Variants in NIM1K observed in about 807,000 individuals in gnomAD.
NIM1K encodes the protein serine/threonine-protein kinase NIM1.
NIM1K carries 35 observed loss-of-function variants against 37.1 expected under a neutral mutation model. The observed-to-expected ratio is 0.94, with a 90% CI of 0.72 to 1.25. The LOEUF is 1.25. Ranked by LOEUF, NIM1K falls within the 50% of genes most tolerant of loss-of-function variation. The pLI, the probability that NIM1K is intolerant of heterozygous loss-of-function variation, is 0.00. For synonymous variants in NIM1K, 234 were observed against 206.6 expected (o/e 1.13, Z -1.14); for missense variants, 564 against 548.0 (o/e 1.03, Z -0.29).
rs77532127 is a variant in NIM1K, at chr5:43,203,870, A to T, written c.-695+11459A>T. On this transcript the variant is annotated intron_variant, in intron 1 of 3. Transcript: ENST00000326035. ...GTGAAACCCCGTCTCTACTAGAAAT[A>T]CAAAAATTAGCTGGGCATGGTGGCA... is the stretch of plus-strand genomic sequence containing the variant. 0.015 allele frequency among the ~76,000 whole-genome samples: 2,238 copies of T among 151,886 alleles called. 91 individuals are homozygous for T. The East Asian group carries it at 0.16, about 11-fold the overall frequency.
rs193072433 is a variant in NIM1K at position 43,195,258 on chromosome 5, G to T, written c.-695+2847G>T. On this transcript the variant is annotated intron_variant, in intron 1 of 3. Coordinates refer to ENST00000326035, the MANE Select transcript of NIM1K (RefSeq NM_153361.4). ...TACAACTTGAATTAACCACATCATA[G>T]TTCTTAAATTACTTTCTCTCAAGAA... Among the ~76,000 whole-genome samples, 12 of 152,278 alleles carry T rather than the reference G, an allele frequency of 7.9e-5. No homozygotes were observed. The East Asian group carries it at 2.3e-3, about 29-fold the overall frequency.
chr5:43,220,014 C>T (rs933942214), intron 1 of NIM1K, among the ~76,000 whole-genome samples: 4 of 151,988 alleles, frequency 2.6e-5, no homozygotes, highest in African/African-American at 4.8e-5. Flanking sequence ...CGTGAGCCAC[C>T]GTGCCCAGCC....
intron 3 of NIM1K, 33 bp downstream of exon 3, chr5:43,277,358 C>G: frequency 6.3e-7 from 1 of 1,597,496 alleles, no homozygotes; most frequent in Non-Finnish European, 8.5e-7. Flanking sequence ...AACCTTGCTC[C>G]CATTGCACTG....
chr5:43,233,072 G>A, intron 1 of NIM1K: 3 of 1,331,808 alleles, frequency 2.3e-6, no homozygotes, highest in Non-Finnish European at 3.2e-6. Flanking sequence ...CTTGGCATCT[G>A]GCCATTGGGC....
chr5:43,205,916 G>C (rs1365762872), intron 1 of NIM1K, among the ~76,000 whole-genome samples: 2 of 152,040 alleles, frequency 1.3e-5, no homozygotes, highest in Non-Finnish European at 2.9e-5. Context: ...GTTTTACTGT[G>C]TTAGCCAGGA....
chr5:43,233,253 T>TCAA, intron 1 of NIM1K: 1 of 640,266 alleles, frequency 1.6e-6, no homozygotes, highest in East Asian at 2.8e-5. Context: ...TCTTAGGTGA[T>TCAA]TGATATAAGA....
chr5:43,198,137 TTC>T (rs1381029955), intron 1 of NIM1K, among the ~76,000 whole-genome samples: 4 of 40,230 alleles, frequency 9.9e-5, no homozygotes, highest in South Asian at 1.1e-3. Context: ...TATGATTTCT[TTC>T]TTTCTTTCTT....
At chr5:43,243,358 G>A (rs1022748717) in intron 1 of NIM1K, among the ~76,000 whole-genome samples, 1 of 152,110 alleles carries the variant, frequency 6.6e-6, no homozygotes, top group Non-Finnish European at 1.5e-5. Flanking sequence ...AATCTGGGGA[G>A]ATCTAGTGCC....
At chr5:43,243,204 A>T (rs1167076826) in intron 1 of NIM1K, among the ~76,000 whole-genome samples, 4 of 152,204 alleles carry the variant, frequency 2.6e-5, no homozygotes, top group Admixed American at 2.6e-4. Context: ...GTCTGTTAGA[A>T]CACAAAGTGA....
intron 1 of NIM1K, among the ~76,000 whole-genome samples, chr5:43,227,735 T>C (rs1016589998): frequency 1.3e-5 from 2 of 152,200 alleles, no homozygotes; most frequent in Admixed American, 6.5e-5. Flanking sequence ...ATTATTTTTA[T>C]GGGTTTTATT....
chr5:43,265,364 A>ACTGATACC (rs559636204), intron 2 of NIM1K, among the ~76,000 whole-genome samples: 346 of 152,170 alleles, frequency 2.3e-3, no homozygotes, highest in African/African-American at 7.7e-3. Flanking sequence ...CATTTCATTC[A>ACTGATACC]TTTGATCTTC....
In NIM1K at chr5:43,204,951, G is replaced by A. The variant is rs376186251; in HGVS notation, c.-695+12540G>A. Among the ~76,000 whole-genome samples, 7 of 152,246 alleles carry A rather than the reference G, an allele frequency of 4.6e-5. No individual in the cohort carries two copies. The South Asian group carries it at 1.0e-3, about 23-fold the overall frequency. ...GTCGAGGCTGCAGTGAGCTGTGATTGCACCACTGAACTCCAGCCTAGGTGA... is the reference window on the plus strand; with the variant it reads ...GTCGAGGCTGCAGTGAGCTGTGATTACACCACTGAACTCCAGCCTAGGTGA... On this transcript the variant is annotated intron_variant, in intron 1 of 3. Coordinates refer to ENST00000326035, the MANE Select transcript of NIM1K (RefSeq NM_153361.4).
intron 2 of NIM1K, among the ~76,000 whole-genome samples, chr5:43,259,874 G>A (rs1340582673): frequency 6.6e-6 from 1 of 152,068 alleles, no homozygotes; most frequent in Non-Finnish European, 1.5e-5. Context: ...TCAATGTCCA[G>A]TAGAGTTTTT....
intron 1 of NIM1K, among the ~76,000 whole-genome samples, chr5:43,224,028 G>C (rs1482435431): frequency 1.3e-5 from 2 of 149,570 alleles, no homozygotes; most frequent in Non-Finnish European, 3.0e-5. Flanking sequence ...CAGTAGAAAG[G>C]TTGAATACAT....
chr5:43,260,589 T>C (rs1386811800), intron 2 of NIM1K, among the ~76,000 whole-genome samples: 1 of 152,046 alleles, frequency 6.6e-6, no homozygotes, highest in South Asian at 2.1e-4. Flanking sequence ...TGCATATATA[T>C]ATAGAGAGAG....
intron 1 of NIM1K, among the ~76,000 whole-genome samples, chr5:43,202,785 A>G (rs1417894707): frequency 2.6e-5 from 4 of 152,282 alleles, no homozygotes; most frequent in Non-Finnish European, 4.4e-5. Flanking sequence ...GAAGGAGGAA[A>G]GACTGACAAG....
intron 2 of NIM1K, among the ~76,000 whole-genome samples, chr5:43,260,764 C>T (rs1753015343): frequency 6.6e-6 from 1 of 152,050 alleles, no homozygotes; most frequent in Non-Finnish European, 1.5e-5. Context: ...TCCCCCCTTC[C>T]CCCACCCGAC....
chr5:43,278,231 G>C (rs1323367694), intron 3 of NIM1K, among the ~76,000 whole-genome samples: 1 of 152,000 alleles, frequency 6.6e-6, no homozygotes, highest in African/African-American at 2.4e-5. Flanking sequence ...TTTTAATAGA[G>C]ATGAGGTTTC....
chr5:43,207,502 T>C (rs1752134888), intron 1 of NIM1K: 3 of 730,198 alleles, frequency 4.1e-6, no homozygotes, highest in Admixed American at 1.8e-5. Flanking sequence ...AATTTTATTA[T>C]GTGATTAATG....
Sources: allele counts gnomAD v4.1 joint callset (sites outside exome capture counted in the v4.1 genomes callset), GRCh38; gene constraint gnomAD v4.1.1; transcripts MANE v1.5; gene names NCBI Gene and HGNC (gene_info 2026-07-23, HGNC 2026-07-21).